The following PPP1R14C variants were observed in gnomAD, a reference collection of about 807,000 sequenced individuals.
PPP1R14C encodes protein phosphatase 1 regulatory subunit 14C.
A neutral mutation model predicts 20.4 loss-of-function variants in PPP1R14C; 16 were observed. The observed-to-expected ratio is 0.78, with a 90% CI of 0.53 to 1.19. The LOEUF is 1.19. Among genes scored for constraint, PPP1R14C ranks in the 50% most tolerant of loss-of-function variants. PPP1R14C has a pLI of 0.00. For synonymous variants in PPP1R14C, 91 were observed against 91.0 expected, an observed-to-expected ratio of 1.00 and a Z score of 0.00; for missense variants, 211 against 220.1, an observed-to-expected ratio of 0.96 and a Z score of 0.26.
At chr6:150,173,160 A>G (rs567822864) in intron 1 of PPP1R14C, among the ~76,000 whole-genome samples, 7 of 152,310 alleles carry the variant, frequency 4.6e-5, no homozygotes, top group South Asian at 2.1e-4. Flanking sequence ...GAAATCAGCA[A>G]TGGTACAAGG....
At chr6:150,205,604 C>A (rs1297010461) in intron 1 of PPP1R14C, among the ~76,000 whole-genome samples, 3 of 151,854 alleles carry the variant, frequency 2.0e-5, no homozygotes, top group Non-Finnish European at 4.4e-5. Flanking sequence ...ACAAGTCTGG[C>A]CAACATGGTG....
At chr6:150,191,136 C>G (rs1333827571) in intron 1 of PPP1R14C, among the ~76,000 whole-genome samples, 1 of 152,178 alleles carries the variant, frequency 6.6e-6, no homozygotes, top group Non-Finnish European at 1.5e-5. Context: ...GAACGTTCTT[C>G]TACATGGTTC....
chr6:150,203,802 C>A (rs1207928029), intron 1 of PPP1R14C, among the ~76,000 whole-genome samples: 1 of 152,192 alleles, frequency 6.6e-6, no homozygotes, highest in South Asian at 2.1e-4. Flanking sequence ...CTTTCCACTG[C>A]AAATCTGGAT....
At chr6:150,248,153 C>T (rs528901312) in intron 3 of PPP1R14C, among the ~76,000 whole-genome samples, 19 of 152,232 alleles carry the variant, frequency 1.2e-4, no homozygotes, top group South Asian at 4.2e-4. Context: ...TTATCTAATC[C>T]GAACTACCTC....
intron 1 of PPP1R14C, among the ~76,000 whole-genome samples, chr6:150,187,052 T>C (rs1168314038): frequency 1.3e-5 from 2 of 152,066 alleles, no homozygotes; most frequent in Non-Finnish European, 2.9e-5. Flanking sequence ...CTTGGCTCAC[T>C]GCAACCTTCG....
intron 1 of PPP1R14C, among the ~76,000 whole-genome samples, chr6:150,157,626 C>T (rs934359826): frequency 2.0e-5 from 3 of 151,564 alleles, no homozygotes; most frequent in Non-Finnish European, 2.9e-5. Flanking sequence ...GCACTGCATC[C>T]GTTGGCTTCT....
chr6:150,196,824 A>C (rs1231888680), intron 1 of PPP1R14C, among the ~76,000 whole-genome samples: 1 of 152,234 alleles, frequency 6.6e-6, no homozygotes, highest in African/African-American at 2.4e-5. Context: ...AACTTACTTC[A>C]TGGCCGAGTC....
chr6:150,217,975 T>C (rs1778115606), intron 3 of PPP1R14C, among the ~76,000 whole-genome samples: 1 of 152,222 alleles, frequency 6.6e-6, no homozygotes, highest in Non-Finnish European at 1.5e-5. Flanking sequence ...TAGAGATTTT[T>C]AATTTTAATT....
rs1201286785 is a variant in PPP1R14C at position 150,250,142 on chromosome 6, C to T, written c.*1322C>T. The T allele has an allele frequency of 6.6e-6, 1 of 152,544 alleles. No individual in the cohort carries two copies. Among genetic ancestry groups the T allele is most frequent in the Admixed American group, 6.5e-5 (1 of 15,276 alleles). The allele number at this position is 152,544 out of a possible 1,614,324, so 9.4% of individuals were successfully genotyped here. A position where few individuals can be genotyped will look rare whatever the true frequency, so the allele number is the denominator to read the frequency against. On this transcript the variant is annotated 3_prime_UTR_variant, in exon 4 of 4. Coordinates refer to ENST00000361131, the MANE Select transcript of PPP1R14C (RefSeq NM_030949.3). ...AGGCCCCCGCTGACTCCCACAGAAA[C>T]CCACCTACCATAAGATGTCTTCAGG...
rs958438899 is a variant in PPP1R14C, at chr6:150,167,094, C to T, written c.306+23596C>T. Among the ~76,000 whole-genome samples, 8 of 152,196 alleles carry T rather than the reference C, an allele frequency of 5.3e-5. No individual in the cohort carries two copies. In the East Asian group the frequency reaches 5.8e-4, roughly 11 times the overall value. On this transcript the variant is annotated intron_variant, in intron 1 of 3. Transcript: ENST00000361131. ...AAAAATACAAACATTAGGCCGGGCG[C>T]GGTGGCTCACGCCTGTAATCCCAGC...
In PPP1R14C at chr6:150,201,932, A is replaced by G. The variant is rs1196837092; in HGVS notation, c.307-12812A>G. On this transcript the variant is annotated intron_variant, in intron 1 of 3. Coordinates refer to ENST00000361131, the MANE Select transcript of PPP1R14C (RefSeq NM_030949.3). The surrounding 1 kb of genome is among the most constrained non-coding windows in gnomAD (Gnocchi z 4.2). ...CGTCACATTGCCTGCATAAACATGCATTACAGGTAAACGATTATGGTAATA... is the reference window on the plus strand; with the variant it reads ...CGTCACATTGCCTGCATAAACATGCGTTACAGGTAAACGATTATGGTAATA... Among the ~76,000 whole-genome samples the G allele has an allele frequency of 2.0e-5, 3 of 152,174 alleles. No individual in the cohort carries two copies. Among genetic ancestry groups the G allele is most frequent in the Non-Finnish European group, 2.9e-5 (2 of 68,030 alleles).
At chr6:150,213,048 A>T (rs1778046634) in intron 1 of PPP1R14C, among the ~76,000 whole-genome samples, 2 of 152,182 alleles carry the variant, frequency 1.3e-5, no homozygotes, top group African/African-American at 4.8e-5. Context: ...GTTAAGTACA[A>T]ATATGAAAAT....
Position 150,248,808 on chromosome 6 carries a change from G to A in PPP1R14C, c.486G>A (p.Lys162=), listed in dbSNP as rs375113380. 3 of 1,611,276 alleles carry A rather than the reference G, an allele frequency of 1.9e-6. No homozygotes were observed. In the African/African-American group the frequency reaches 4.0e-5, roughly 22 times the overall value. Residue 162 remains lysine (K), a synonymous_variant, in exon 4 of 4, where the codon AAG becomes AAA. Transcript: ENST00000361131. ...RGMRKLSPPQ[K]KSV is the part of the protein sequence containing the mutation. ...TGAGGAAACTGAGCCCTCCGCAGAAGAAGAGTGTATGATTCTGGAACAGGG... is the reference window on the plus strand; with the variant it reads ...TGAGGAAACTGAGCCCTCCGCAGAAAAAGAGTGTATGATTCTGGAACAGGG...
At chr6:150,188,453 C>T (rs937624489) in intron 1 of PPP1R14C, among the ~76,000 whole-genome samples, 6 of 147,324 alleles carry the variant, frequency 4.1e-5, no homozygotes, top group South Asian at 2.2e-4. Context: ...GAAGATTGAT[C>T]GGTGTGGGAA....
chr6:150,242,461 G>GA (rs1321891204), intron 3 of PPP1R14C, among the ~76,000 whole-genome samples: 1 of 147,640 alleles, frequency 6.8e-6, no homozygotes, highest in Non-Finnish European at 1.5e-5. Flanking sequence ...CTAGGAGGGG[G>GA]AAAAACCCCT....
At chr6:150,157,141 AC>A (rs1447464538) in intron 1 of PPP1R14C, among the ~76,000 whole-genome samples, 2 of 152,256 alleles carry the variant, frequency 1.3e-5, no homozygotes, top group African/African-American at 4.8e-5. Flanking sequence ...TTAACTACTG[AC>A]ACCTTACTAT....
intron 3 of PPP1R14C, among the ~76,000 whole-genome samples, chr6:150,245,774 C>G (rs1338909522): frequency 6.6e-6 from 1 of 152,172 alleles, no homozygotes; most frequent in Non-Finnish European, 1.5e-5. Context: ...CTTGAATTTT[C>G]TTTGCAAATC....
chr6:150,203,838 C>T (rs1777909043), intron 1 of PPP1R14C, among the ~76,000 whole-genome samples: 1 of 152,228 alleles, frequency 6.6e-6, no homozygotes, highest in African/African-American at 2.4e-5. Flanking sequence ...TCAGAGACAG[C>T]TCAGGCTCAA....
At chr6:150,156,317 C>T (rs1350424809) in intron 1 of PPP1R14C, among the ~76,000 whole-genome samples, 1 of 151,806 alleles carries the variant, frequency 6.6e-6, no homozygotes. Context: ...TTATCATTGA[C>T]ATGGTAGAAG....
Sources: allele counts gnomAD v4.1 joint callset (sites outside exome capture counted in the v4.1 genomes callset), GRCh38; gene constraint gnomAD v4.1.1; non-coding constraint Gnocchi (gnomAD v3.1); transcripts MANE v1.5; gene names NCBI Gene and HGNC (gene_info 2026-07-23, HGNC 2026-07-21).